Variants in GPHN observed in about 807,000 individuals in gnomAD.
The protein encoded by GPHN is gephyrin.
Under a neutral mutation model 95.5 loss-of-function variants are expected in GPHN, and 17 were observed. The ratio of observed to expected loss-of-function variants is 0.18; its 90% CI spans 0.12 to 0.27. GPHN has a LOEUF of 0.27. GPHN is among the 10% of genes least tolerant of loss of function. GPHN has a pLI of 1.00. For missense variants in GPHN, 660 were observed against 978.1 expected, an observed-to-expected ratio of 0.67 and a Z score of 4.34; for synonymous variants, 320 against 322.5, an observed-to-expected ratio of 0.99 and a Z score of 0.08.
the GPHN span, among the ~76,000 whole-genome samples, chr14:67,395,917 G>A: frequency 6.6e-6 from 1 of 152,104 alleles, no homozygotes; most frequent in Non-Finnish European, 1.5e-5. Flanking sequence ...AAATGCCCAG[G>A]CTTTAAAATC....
At chr14:66,862,189 C>T (rs1264418765) in intron 4 of GPHN, among the ~76,000 whole-genome samples, 1 of 151,990 alleles carries the variant, frequency 6.6e-6, no homozygotes, top group Non-Finnish European at 1.5e-5. Context: ...GTCAAATAAT[C>T]ATTAGTGGCT....
chr14:66,661,671 G>A (rs1159881002), intron 1 of GPHN, among the ~76,000 whole-genome samples: 7 of 151,936 alleles, frequency 4.6e-5, no homozygotes, highest in Non-Finnish European at 1.0e-4. Context: ...ACCCTGATCC[G>A]TTCTTCATCT....
At chr14:66,566,143 A>G (rs1376632661) in intron 1 of GPHN, among the ~76,000 whole-genome samples, 1 of 151,972 alleles carries the variant, frequency 6.6e-6, no homozygotes, top group Non-Finnish European at 1.5e-5. Flanking sequence ...CCATCTCCCT[A>G]CTATTACCTT....
At chr14:66,750,491 G>T (rs2058326367) in intron 2 of GPHN, among the ~76,000 whole-genome samples, 1 of 151,918 alleles carries the variant, frequency 6.6e-6, no homozygotes, top group Non-Finnish European at 1.5e-5. Flanking sequence ...CCAAAAAGAT[G>T]TAGAGAGGAA....
intron 2 of GPHN, among the ~76,000 whole-genome samples, chr14:66,727,663 G>A (rs2071369664): frequency 6.6e-6 from 1 of 152,186 alleles, no homozygotes; most frequent in South Asian, 2.1e-4. Flanking sequence ...TGAGAAAGAT[G>A]ATTAGGGTAT....
At chr14:66,538,656 AT>A (rs139318957) in intron 1 of GPHN, among the ~76,000 whole-genome samples, 88 of 149,038 alleles carry the variant, frequency 5.9e-4, no homozygotes, top group African/African-American at 2.0e-3. Flanking sequence ...AATTTTATTC[AT>A]TTTTTTTCCT....
the GPHN span, among the ~76,000 whole-genome samples, chr14:67,723,737 G>A: frequency 6.6e-6 from 1 of 152,236 alleles, no homozygotes; most frequent in Non-Finnish European, 1.5e-5. Flanking sequence ...CATATGGAAA[G>A]TGCCTAGACT....
At chr14:67,729,511 C>A in the GPHN span, 1 of 847,702 alleles carries the variant, frequency 1.2e-6, no homozygotes, top group Non-Finnish European at 1.9e-6. Context: ...GGCCTGCAAA[C>A]AGAATGCCGT....
intron 1 of GPHN, among the ~76,000 whole-genome samples, chr14:66,620,941 C>T (rs1415912042): frequency 6.6e-6 from 1 of 152,146 alleles, no homozygotes; most frequent in Admixed American, 6.5e-5. Flanking sequence ...AGGCCCCATG[C>T]CAGTCCCAAA....
At position 66,970,232 on chromosome 14, in the gene GPHN, C is replaced by G. The variant is rs113813672; in HGVS notation, c.963+4907C>G. ...ATGAGGGATATATACCTTTAATCCA[C>G]TAATGTCTAATACTATATTCAAACA... On this transcript the variant is annotated intron_variant, in intron 9 of 22. Transcript: ENST00000478722. 1.5e-3 allele frequency among the ~76,000 whole-genome samples: 231 copies of G among 152,106 alleles called. 1 individual carries two copies. The highest frequency in any genetic ancestry group is 5.5e-3 in the African/African-American group (229 of 41,496).
the GPHN span, among the ~76,000 whole-genome samples, chr14:67,599,272 A>C: frequency 6.6e-6 from 1 of 152,090 alleles, no homozygotes; most frequent in Non-Finnish European, 1.5e-5. Context: ...AATTAGGATA[A>C]TTCTTTTTAT....
chr14:67,704,970 T>C, the GPHN span, among the ~76,000 whole-genome samples: 1 of 152,220 alleles, frequency 6.6e-6, no homozygotes. Context: ...GCACAAAGGT[T>C]GGAAGCAGGT....
intron 3 of GPHN, among the ~76,000 whole-genome samples, chr14:66,812,018 A>G (rs772533834): frequency 7.9e-5 from 12 of 152,312 alleles, no homozygotes; most frequent in East Asian, 7.7e-4. Context: ...GTAGGCCCCA[A>G]TCTGGCCTAA....
chr14:66,790,160 T>A (rs1009303504), intron 3 of GPHN, among the ~76,000 whole-genome samples: 6 of 152,198 alleles, frequency 3.9e-5, no homozygotes, highest in Non-Finnish European at 7.3e-5. Flanking sequence ...AAAGTTTTTT[T>A]AAAAATCTCT....
At chr14:66,814,181 G>A (rs1159345721) in intron 3 of GPHN, among the ~76,000 whole-genome samples, 2 of 152,064 alleles carry the variant, frequency 1.3e-5, no homozygotes, top group East Asian at 1.9e-4. Flanking sequence ...CCCCACCCTT[G>A]CACTAACATT....
chr14:67,025,767 A>G (rs960541061), intron 10 of GPHN, among the ~76,000 whole-genome samples: 7 of 152,300 alleles, frequency 4.6e-5, no homozygotes, highest in Middle Eastern at 3.4e-3. Flanking sequence ...CTCACTGGCT[A>G]TAGCAGGCAA....
chr14:66,932,455 T>TTG (rs1567118389), intron 8 of GPHN, among the ~76,000 whole-genome samples: 1 of 112,256 alleles, frequency 8.9e-6, no homozygotes, highest in South Asian at 3.3e-4. Context: ...TTTTTTTTTT[T>TTG]TTTTTTTTTT....
intron 17 of GPHN, among the ~76,000 whole-genome samples, chr14:67,128,654 G>A (rs187578577): frequency 2.6e-4 from 40 of 152,186 alleles, no homozygotes; most frequent in African/African-American, 8.9e-4. Flanking sequence ...GTGATGGTAA[G>A]GGCCAGCCAC....
the GPHN span, chr14:67,647,820 A>C: frequency 1.8e-6 from 1 of 542,938 alleles, no homozygotes; most frequent in Non-Finnish European, 3.3e-6. Context: ...TGTCTGAGGT[A>C]TGCAGAACAA....
Sources: gnomAD v4.1 joint callset for allele counts (sites outside exome capture counted in the v4.1 genomes callset) on GRCh38, gnomAD v4.1.1 for gene constraint, MANE v1.5 for transcripts, NCBI Gene and HGNC (gene_info 2026-07-23, HGNC 2026-07-21) for gene names.